Variants in CRYL1 observed in about 807,000 individuals in gnomAD.
CRYL1 encodes crystallin lambda 1.
Under a neutral mutation model 36.6 loss-of-function variants are expected in CRYL1, and 29 were observed. The ratio of observed to expected loss-of-function variants is 0.79; its 90% CI spans 0.59 to 1.08. The LOEUF (loss-of-function observed/expected upper bound fraction) is 1.08, where lower values mean the gene tolerates loss of function less well. Ranked by LOEUF, CRYL1 falls within the 50% of genes least tolerant of loss-of-function variation. CRYL1 has a pLI of 0.00. For missense variants in CRYL1, 411 were observed against 407.9 expected (o/e 1.01, Z -0.06); for synonymous variants, 152 against 151.5 (o/e 1.00, Z -0.02).
At chr13:20,474,442 C>T (rs1593470281) in intron 3 of CRYL1, among the ~76,000 whole-genome samples, 1 of 152,196 alleles carries the variant, frequency 6.6e-6, no homozygotes, top group East Asian at 1.9e-4. Flanking sequence ...TAAAGCAACA[C>T]ACACTTGAAA....
At chr13:20,491,132 C>G (rs1431199674) in intron 2 of CRYL1, among the ~76,000 whole-genome samples, 1 of 152,102 alleles carries the variant, frequency 6.6e-6, no homozygotes, top group Non-Finnish European at 1.5e-5. Context: ...ATCTCTAACT[C>G]CTGGGCTCAA....
intron 5 of CRYL1, among the ~76,000 whole-genome samples, chr13:20,424,017 C>T (rs1386444832): frequency 6.6e-6 from 1 of 152,006 alleles, no homozygotes; most frequent in East Asian, 1.9e-4. Context: ...GATTCCCCTG[C>T]CTTGGATTCC....
At chr13:20,475,997 C>T (rs2033159091) in intron 3 of CRYL1, among the ~76,000 whole-genome samples, 1 of 152,166 alleles carries the variant, frequency 6.6e-6, no homozygotes, top group African/African-American at 2.4e-5. Flanking sequence ...GTGTCACCTG[C>T]CCCACGCACA....
intron 5 of CRYL1, 81 bp downstream of exon 5, chr13:20,432,021 A>C: frequency 1.2e-6 from 2 of 1,607,126 alleles, no homozygotes; most frequent in African/African-American, 2.7e-5. Flanking sequence ...AACAACTTTC[A>C]CTGTCCTGCT....
intron 3 of CRYL1, among the ~76,000 whole-genome samples, chr13:20,466,281 T>G (rs1023634752): frequency 3.3e-5 from 5 of 152,102 alleles, no homozygotes; most frequent in African/African-American, 1.2e-4. Flanking sequence ...AGTGTTAAGG[T>G]CCACAAGAAA....
chr13:20,495,377 C>T (rs2033587292), intron 2 of CRYL1, among the ~76,000 whole-genome samples: 1 of 152,112 alleles, frequency 6.6e-6, no homozygotes, highest in African/African-American at 2.4e-5. Context: ...TAAATTTTTA[C>T]TTAAAATTAG....
At chr13:20,499,156 C>T (rs2033659991) in intron 2 of CRYL1, among the ~76,000 whole-genome samples, 1 of 152,008 alleles carries the variant, frequency 6.6e-6, no homozygotes, top group Non-Finnish European at 1.5e-5. Flanking sequence ...CCAGCCTGGA[C>T]AACATGGCAA....
At chr13:20,420,293 T>G (rs1156481662) in intron 5 of CRYL1, among the ~76,000 whole-genome samples, 1 of 152,158 alleles carries the variant, frequency 6.6e-6, no homozygotes, top group Non-Finnish European at 1.5e-5. Context: ...CTGGCCAGGC[T>G]GCTGGGAACA....
chr13:20,512,400 C>G (rs779482132), intron 2 of CRYL1, 43 bp downstream of exon 2: 19 of 1,374,486 alleles, frequency 1.4e-5, no homozygotes, highest in East Asian at 2.3e-5. Context: ...CTGAGAGAAA[C>G]AGACCCACTT....
At chr13:20,439,169 C>T (rs896771142) in intron 4 of CRYL1, among the ~76,000 whole-genome samples, 5 of 152,118 alleles carry the variant, frequency 3.3e-5, no homozygotes, top group Admixed American at 1.3e-4. Context: ...GTGCAAGTGA[C>T]GTATCTATAC....
intron 2 of CRYL1, among the ~76,000 whole-genome samples, chr13:20,501,641 G>A (rs1158814805): frequency 6.6e-6 from 1 of 152,188 alleles, no homozygotes; most frequent in Non-Finnish European, 1.5e-5. Flanking sequence ...AGCTTAAGGA[G>A]GTGAGTCTAC....
chr13:20,521,858 T>C (rs2034102962), intron 1 of CRYL1, among the ~76,000 whole-genome samples: 1 of 152,160 alleles, frequency 6.6e-6, no homozygotes, highest in South Asian at 2.1e-4. Flanking sequence ...GTTCCTACAC[T>C]CATGATCTCA....
At chr13:20,512,654 T>G (rs2033935846) in intron 1 of CRYL1, 104 bp from the exon 2 acceptor site, 1 of 755,118 alleles carries the variant, frequency 1.3e-6, no homozygotes, top group Admixed American at 2.6e-5. Context: ...ATCCTATTCT[T>G]AAAATATTCA....
At chr13:20,454,562 C>T (rs771670082) in intron 3 of CRYL1, among the ~76,000 whole-genome samples, 2 of 151,854 alleles carry the variant, frequency 1.3e-5, no homozygotes, top group African/African-American at 2.4e-5. Context: ...GGACTACACG[C>T]GCCTGCCACC....
rs964829095 is a variant in CRYL1, at chr13:20,489,432, G to A, written c.214C>T (p.Leu72=). 1.2e-6 allele frequency: 2 copies of A among 1,613,528 alleles called. No homozygotes were observed. The highest frequency in any genetic ancestry group is 3.3e-5 in the Admixed American group (2 of 59,990). Residue 72 remains leucine (L), a synonymous_variant, in exon 3 of 8, where the codon CTG becomes TTG. Coordinates refer to ENST00000298248, the MANE Select transcript of CRYL1 (RefSeq NM_015974.3). ...TTGGGACAACCACTGATGAGTGACA[G>A]CTGCTCTTCCACACTCAGGGAGCCT... ...LKGSLSVEEQ[L]SLISGCPNIQ...
intron 5 of CRYL1, among the ~76,000 whole-genome samples, chr13:20,421,211 A>C (rs1374452055): frequency 6.6e-6 from 1 of 152,150 alleles, no homozygotes; most frequent in Admixed American, 6.5e-5. Flanking sequence ...GGGGAAAAAC[A>C]ACAGTATTAT....
chr13:20,495,174 A>G (rs367838642), intron 2 of CRYL1, among the ~76,000 whole-genome samples: 8 of 152,358 alleles, frequency 5.3e-5, no homozygotes, highest in African/African-American at 1.9e-4. Context: ...GAAGACGTAC[A>G]TAAACACCTA....
At chr13:20,409,729 A>AACAG (rs1438088945) in intron 6 of CRYL1, among the ~76,000 whole-genome samples, 1 of 151,918 alleles carries the variant, frequency 6.6e-6, no homozygotes, top group African/African-American at 2.4e-5. Context: ...GAAGGACATG[A>AACAG]ACAGACACTT....
At chr13:20,431,867 A>G (rs1212456790) in intron 5 of CRYL1, 11 of 1,472,968 alleles carry the variant, frequency 7.5e-6, no homozygotes, top group Non-Finnish European at 9.9e-6. Flanking sequence ...GTGTCCTGGT[A>G]TCAGGTGACT....
Sources: gnomAD v4.1 joint callset for allele counts (sites outside exome capture counted in the v4.1 genomes callset) on GRCh38, gnomAD v4.1.1 for gene constraint, MANE v1.5 for transcripts, NCBI Gene and HGNC (gene_info 2026-07-23, HGNC 2026-07-21) for gene names.